ARFGEF1: variants seen among roughly 807,000 people sequenced by gnomAD.
ARFGEF1 encodes ARF guanine nucleotide exchange factor 1.
A neutral mutation model predicts 231.0 loss-of-function variants in ARFGEF1; 42 were observed. The ratio of observed to expected loss-of-function variants is 0.18; its 90% CI spans 0.14 to 0.24. The LOEUF is 0.24. Among genes scored for constraint, ARFGEF1 ranks in the 10% least tolerant of loss-of-function variants. ARFGEF1 has a pLI of 1.00. For synonymous variants in ARFGEF1, 710 were observed against 732.3 expected (o/e 0.97, Z 0.49); for missense variants, 1,345 against 2,192.0 (o/e 0.61, Z 7.72).
intron 14 of ARFGEF1, among the ~76,000 whole-genome samples, chr8:67,265,318 A>C (rs933696869): frequency 6.6e-6 from 1 of 152,200 alleles, no homozygotes; most frequent in South Asian, 2.1e-4. Context: ...TAGCAAACCA[A>C]GTAAGCACAC....
rs530853251 is a variant in ARFGEF1, at chr8:67,265,784, G to A, written c.2123+222C>T. On this transcript the variant is annotated intron_variant, in intron 14 of 38. Transcript: ENST00000262215. ...TACCCATCAACAGCACTTATAATAT[G>A]GTGACAAATTAATTTATATGACAAG... 1.1e-4 allele frequency among the ~76,000 whole-genome samples: 17 copies of A among 152,138 alleles called. No individual in the cohort carries two copies. The East Asian group carries it at 1.9e-3, about 17-fold the overall frequency.
chr8:67,240,726 CA>C (rs929686582), intron 19 of ARFGEF1, among the ~76,000 whole-genome samples: 2 of 152,150 alleles, frequency 1.3e-5, no homozygotes, highest in Non-Finnish European at 1.5e-5. Context: ...ATTCCCTGAA[CA>C]TCATTTAGCC....
At chr8:67,319,055 A>G (rs1489137201) in intron 1 of ARFGEF1, among the ~76,000 whole-genome samples, 5 of 152,256 alleles carry the variant, frequency 3.3e-5, no homozygotes, top group Non-Finnish European at 7.3e-5. Context: ...TATAAAATAT[A>G]TACTGAAAGA....
At chr8:67,269,105 A>G (rs1403891503) in intron 10 of ARFGEF1, among the ~76,000 whole-genome samples, 1 of 152,174 alleles carries the variant, frequency 6.6e-6, no homozygotes, top group Non-Finnish European at 1.5e-5. Flanking sequence ...TTTATCGAGG[A>G]CCTATAATGT....
At chr8:67,282,578 T>C (rs1334411603) in intron 7 of ARFGEF1, among the ~76,000 whole-genome samples, 1 of 152,092 alleles carries the variant, frequency 6.6e-6, no homozygotes. Context: ...CCAGGCGCGG[T>C]GGCTCATGCC....
At chr8:67,243,683 C>T (rs1331004353) in intron 19 of ARFGEF1, among the ~76,000 whole-genome samples, 2 of 152,136 alleles carry the variant, frequency 1.3e-5, no homozygotes, top group African/African-American at 4.8e-5. Flanking sequence ...CAATAAACAC[C>T]TAATTACTCA....
At chr8:67,318,714 C>G (rs1262762151) in intron 1 of ARFGEF1, among the ~76,000 whole-genome samples, 1 of 152,196 alleles carries the variant, frequency 6.6e-6, no homozygotes, top group Non-Finnish European at 1.5e-5. Context: ...CAATGGTTCA[C>G]CTGTAATCCC....
intron 1 of ARFGEF1, among the ~76,000 whole-genome samples, chr8:67,330,236 T>C (rs1263464988): frequency 6.6e-6 from 1 of 152,116 alleles, no homozygotes; most frequent in African/African-American, 2.4e-5. Flanking sequence ...TTGAGAAATA[T>C]TTAACTATTT....
intron 19 of ARFGEF1, among the ~76,000 whole-genome samples, chr8:67,243,526 G>A (rs1382834211): frequency 6.6e-6 from 1 of 152,054 alleles, no homozygotes; most frequent in Admixed American, 6.6e-5. Context: ...CCTCCCACTG[G>A]GTCTCTCTCA....
Position 67,216,674 on chromosome 8 carries a change from C to CA in ARFGEF1, c.4614-13dup. On this transcript the variant is annotated splice_polypyrimidine_tract_variant and intron_variant, in intron 32 of 38. Transcript: ENST00000262215. Reference sequence around the variant, plus strand: ...GCCAGGTCAACAGCCTTTAAGATACCAAAACCACGTCAATCACTAGGGGGC... The same window carrying CA: ...GCCAGGTCAACAGCCTTTAAGATACCAAAAACCACGTCAATCACTAGGGGGC... 1 of 1,594,720 alleles carries CA rather than the reference C, an allele frequency of 6.3e-7. No individual in the cohort carries two copies. Among genetic ancestry groups the CA allele is most frequent in the Non-Finnish European group, 8.5e-7 (1 of 1,174,454 alleles).
chr8:67,203,196 C>T lies in ARFGEF1; in HGVS notation c.5015G>A (p.Arg1672His), dbSNP rs200392828. Residue 1672 changes from arginine (R) to histidine (H), a missense_variant, in exon 36 of 39, where the codon CGC (arginine) becomes CAC (histidine). Around this residue, in one of 14 missense-constraint regions of ARFGEF1, gnomAD observed 161 missense variants for 284.9 expected, o/e 0.57. Coordinates refer to ENST00000262215, the MANE Select transcript of ARFGEF1 (RefSeq NM_006421.5). ...AAAAAGTTGTTGTGATGTTAAAAAG[C>T]GGTACATTCCTTGGTCTTGAGTATC... The part of the protein sequence containing the change: ...RVDTQDQGMY[R>H]FLTSQQLFKL... 1.6e-4 allele frequency: 263 copies of T among 1,614,162 alleles called. No homozygotes were observed. Among genetic ancestry groups the T allele is most frequent in the Non-Finnish European group, 2.1e-4 (244 of 1,180,028 alleles).
chr8:67,227,640 C>G (rs777353099), intron 25 of ARFGEF1, 42 bp from the exon 26 acceptor site: 1 of 1,575,478 alleles, frequency 6.3e-7, no homozygotes, highest in South Asian at 1.1e-5. Context: ...TTAATATCAG[C>G]AGTAAAAATC....
At chr8:67,311,292 G>T (rs1439199780) in intron 1 of ARFGEF1, among the ~76,000 whole-genome samples, 8 of 134,282 alleles carry the variant, frequency 6.0e-5, no homozygotes, top group Non-Finnish European at 8.2e-5. Context: ...GAGGTGGGGG[G>T]GGTCAGCCCC....
rs749034378 is a variant in ARFGEF1 at position 67,227,400 on chromosome 8, AAAC to A, written c.3743+44_3743+46del. ...CTTCTGTTTTTCTCCCTGCTGTGGA[AAAC>A]AACAAGATTTTCCTTCTATTAAGCA... On this transcript the variant is annotated intron_variant, in intron 26 of 38. Coordinates refer to ENST00000262215, the MANE Select transcript of ARFGEF1 (RefSeq NM_006421.5). 5.0e-6 allele frequency: 8 copies of A among 1,601,426 alleles called. No homozygotes were observed. In the Admixed American group the frequency reaches 1.0e-4, roughly 20 times the overall value.
At chr8:67,259,699 G>C (rs917590801) in intron 15 of ARFGEF1, 116 bp downstream of exon 15, 85 of 615,004 alleles carry the variant, frequency 1.4e-4, no homozygotes, top group Admixed American at 4.4e-4. Context: ...AGGATTGCCT[G>C]AGCCCAGGAG....
In ARFGEF1 at chr8:67,277,375, A is replaced by C; in HGVS notation, c.1110T>G (p.Ile370Met). The C allele has an allele frequency of 6.2e-7, 1 of 1,613,794 alleles. No homozygotes were observed. Among genetic ancestry groups the C allele is most frequent in the Non-Finnish European group, 8.5e-7 (1 of 1,179,828 alleles). Residue 370 changes from isoleucine to methionine, a missense_variant, in exon 8 of 39, where the codon ATT becomes ATG. By Grantham distance (10) the Ile-to-Met change is conservative (BLOSUM62 1). Around this residue, in one of 14 missense-constraint regions of ARFGEF1, gnomAD observed 398 missense variants for 463.2 expected, o/e 0.86. Transcript: ENST00000262215. ...TIEDGSDSEN[I>M]QANGIPGTPI... ...GTGTTCCTGGAATTCCATTTGCTTG[A>C]ATATTTTCACTGTCACTACCATCCT...
At chr8:67,274,868 T>C (rs1206785408) in intron 9 of ARFGEF1, among the ~76,000 whole-genome samples, 2 of 152,248 alleles carry the variant, frequency 1.3e-5, no homozygotes, top group East Asian at 3.9e-4. Flanking sequence ...AATGAGACTT[T>C]TTAAAATTCA....
chr8:67,231,963 T>TA (rs146433933), intron 23 of ARFGEF1, among the ~76,000 whole-genome samples: 1,808 of 150,196 alleles, frequency 0.012, 33 homozygotes, highest in African/African-American at 0.04. Context: ...ACTCTCCTCT[T>TA]AAAAAAAAAC....
At chr8:67,179,084 A>G (rs1832370466) in intron 5 of ARFGEF1, among the ~76,000 whole-genome samples, 1 of 152,186 alleles carries the variant, frequency 6.6e-6, no homozygotes. Flanking sequence ...GGAGTGTCCT[A>G]CTGAAGCCCA....
Sources: allele counts gnomAD v4.1 joint callset (sites outside exome capture counted in the v4.1 genomes callset), GRCh38; gene constraint gnomAD v4.1.1; regional missense constraint gnomAD v4.1.1; transcripts MANE v1.5; gene names NCBI Gene and HGNC (gene_info 2026-07-23, HGNC 2026-07-21).